The following WASHC3 variants were observed in gnomAD, a reference collection of about 807,000 sequenced individuals.
WASHC3 encodes WASH complex subunit CCDC53.
WASHC3 carries 24 observed loss-of-function variants against 26.1 expected under a neutral mutation model. The ratio of observed to expected loss-of-function variants is 0.92; its 90% CI spans 0.66 to 1.29. WASHC3 has a LOEUF of 1.29. Among genes scored for constraint, WASHC3 ranks in the 50% most tolerant of loss-of-function variants. WASHC3 has a pLI of 0.00. For missense variants in WASHC3, 214 were observed against 229.6 expected, an observed-to-expected ratio of 0.93 and a Z score of 0.44; for synonymous variants, 77 against 75.7, an observed-to-expected ratio of 1.02 and a Z score of -0.09.
At chr12:102,027,514 A>G (rs962403875) in intron 5 of WASHC3, among the ~76,000 whole-genome samples, 1 of 152,216 alleles carries the variant, frequency 6.6e-6, no homozygotes, top group Admixed American at 6.5e-5. Context: ...TGCATCTCAC[A>G]GATCTTGCCA....
chr12:102,032,260 C>A (rs967610575), intron 5 of WASHC3, among the ~76,000 whole-genome samples: 2 of 152,082 alleles, frequency 1.3e-5, no homozygotes, highest in Non-Finnish European at 2.9e-5. Flanking sequence ...GAAAATAGAG[C>A]TTTAAAAAAA....
At chr12:102,020,023 G>A (rs1258101985) in intron 6 of WASHC3, among the ~76,000 whole-genome samples, 1 of 152,108 alleles carries the variant, frequency 6.6e-6, no homozygotes, top group Non-Finnish European at 1.5e-5. Flanking sequence ...ACACAGTCTA[G>A]GCCTGGCCAA....
chr12:102,036,057 T>C (rs1877641450), intron 5 of WASHC3, among the ~76,000 whole-genome samples: 1 of 152,126 alleles, frequency 6.6e-6, no homozygotes, highest in Non-Finnish European at 1.5e-5. Context: ...TGGTTTTGTC[T>C]GATTAAAGAA....
chr12:102,038,292 T>A (rs1373230149), intron 5 of WASHC3, among the ~76,000 whole-genome samples: 2 of 152,202 alleles, frequency 1.3e-5, no homozygotes, highest in African/African-American at 4.8e-5. Flanking sequence ...ATGGTGGATT[T>A]AAAAAGAAAA....
At chr12:102,026,919 C>T (rs1226994792) in intron 5 of WASHC3, among the ~76,000 whole-genome samples, 1 of 152,138 alleles carries the variant, frequency 6.6e-6, no homozygotes, top group East Asian at 1.9e-4. Flanking sequence ...CTCCCTCTCA[C>T]CCCGTGTGGC....
intron 5 of WASHC3, among the ~76,000 whole-genome samples, chr12:102,032,157 A>C (rs1261285551): frequency 6.6e-6 from 1 of 152,164 alleles, no homozygotes; most frequent in Non-Finnish European, 1.5e-5. Context: ...TGGAAGTCAC[A>C]TTTCCTCAGG....
chr12:102,033,454 A>T (rs1185590471), intron 5 of WASHC3, among the ~76,000 whole-genome samples: 9 of 152,164 alleles, frequency 5.9e-5, no homozygotes, highest in Non-Finnish European at 1.0e-4. Flanking sequence ...GATGATACTG[A>T]GTGAAAGTAT....
chr12:102,052,875 T>G (rs1878447748), intron 2 of WASHC3, among the ~76,000 whole-genome samples: 1 of 151,772 alleles, frequency 6.6e-6, no homozygotes. Flanking sequence ...TAGCCCAAGT[T>G]ACCAGGCCAG....
intron 5 of WASHC3, among the ~76,000 whole-genome samples, chr12:102,033,414 T>C (rs1877515187): frequency 6.6e-6 from 1 of 152,090 alleles, no homozygotes; most frequent in South Asian, 2.1e-4. Flanking sequence ...GGAGAAATGA[T>C]TAAAAGATTG....
intron 5 of WASHC3, among the ~76,000 whole-genome samples, chr12:102,029,586 C>T (rs762586006): frequency 1.3e-4 from 20 of 152,090 alleles, no homozygotes; most frequent in Non-Finnish European, 2.8e-4. Context: ...CTTTTATAAA[C>T]CATGTTGAAA....
chr12:102,054,506 C>T (rs145959040), intron 2 of WASHC3, among the ~76,000 whole-genome samples: 9 of 152,208 alleles, frequency 5.9e-5, no homozygotes, highest in Admixed American at 3.9e-4. Context: ...GGTGAGACGC[C>T]GTCTCTACAA....
chr12:102,050,001 T>A (rs1434260890), intron 2 of WASHC3, among the ~76,000 whole-genome samples: 2 of 152,160 alleles, frequency 1.3e-5, no homozygotes, highest in South Asian at 2.1e-4. Context: ...TTTAAAAAAA[T>A]TATTTAAAAA....
chr12:102,054,814 A>G (rs1251020349), intron 2 of WASHC3, among the ~76,000 whole-genome samples: 1 of 152,218 alleles, frequency 6.6e-6, no homozygotes, highest in African/African-American at 2.4e-5. Flanking sequence ...TAAACAACCA[A>G]TAGGTCAAGT....
chr12:102,028,461 G>GAT (rs1185935814), intron 5 of WASHC3, among the ~76,000 whole-genome samples: 2 of 152,112 alleles, frequency 1.3e-5, no homozygotes, highest in Non-Finnish European at 2.9e-5. Flanking sequence ...ACTATGGTTT[G>GAT]ATGGTATAAG....
At chr12:102,032,172 C>T (rs1369080456) in intron 5 of WASHC3, among the ~76,000 whole-genome samples, 2 of 152,118 alleles carry the variant, frequency 1.3e-5, no homozygotes, top group Admixed American at 1.3e-4. Flanking sequence ...CTCAGGCCAA[C>T]ATCCACCACT....
chr12:102,044,256 C>A (rs1878064020), intron 3 of WASHC3, 44 bp from the exon 4 acceptor site: 2 of 895,710 alleles, frequency 2.2e-6, no homozygotes, highest in Non-Finnish European at 3.5e-6. Context: ...ATAGTACTTG[C>A]ATAAATAAAC....
intron 5 of WASHC3, among the ~76,000 whole-genome samples, chr12:102,039,127 GGTTT>G (rs1389078581): frequency 3.6e-5 from 3 of 84,270 alleles, no homozygotes; most frequent in South Asian, 4.5e-4. Context: ...TATGGAGTTA[GGTTT>G]TTTTTTTTTT....
At chr12:102,040,034 G>T in intron 4 of WASHC3, 56 bp from the exon 5 acceptor site, 1 of 658,944 alleles carries the variant, frequency 1.5e-6, no homozygotes, top group Non-Finnish European at 2.6e-6. Flanking sequence ...GGTCTATCAT[G>T]TTACTTAAAA....
At chr12:102,049,471 G>A (rs2136681024) in intron 2 of WASHC3, among the ~76,000 whole-genome samples, 1 of 152,196 alleles carries the variant, frequency 6.6e-6, no homozygotes, top group Non-Finnish European at 1.5e-5. Context: ...GGATAACAGG[G>A]GAATTTACAA....
Sources: allele counts gnomAD v4.1 joint callset (sites outside exome capture counted in the v4.1 genomes callset), GRCh38; gene constraint gnomAD v4.1.1; transcripts MANE v1.5; gene names NCBI Gene and HGNC (gene_info 2026-07-23, HGNC 2026-07-21).